The following FRMD6 variants were observed in gnomAD, a reference collection of about 807,000 sequenced individuals.
The protein encoded by FRMD6 is FERM domain-containing protein 6.
Under a neutral mutation model 73.2 loss-of-function variants are expected in FRMD6, and 37 were observed. That is an observed-to-expected ratio of 0.51 (90% CI 0.39 to 0.66). The LOEUF is 0.66. Ranked by LOEUF, FRMD6 falls within the 30% of genes least tolerant of loss-of-function variation. The pLI is 0.00. For missense variants in FRMD6, 714 were observed against 780.5 expected (o/e 0.91, Z 1.02); for synonymous variants, 273 against 282.2 (o/e 0.97, Z 0.33).
chr14:51,496,105 G>A (rs758563419), intron 1 of FRMD6, among the ~76,000 whole-genome samples: 7 of 152,118 alleles, frequency 4.6e-5, no homozygotes, highest in Non-Finnish European at 7.4e-5. Flanking sequence ...CACACTCTTG[G>A]ATCACTCACT....
In FRMD6 at chr14:51,551,571, CAA is replaced by C. The variant is rs553000479; in HGVS notation, c.-209-18772_-209-18771del. 6.6e-5 allele frequency among the ~76,000 whole-genome samples: 10 copies of C among 152,036 alleles called. No homozygotes were observed. In the South Asian group the frequency reaches 2.1e-3, roughly 32 times the overall value. ...GCAACACAGTGAAACCCTGTCTTTA[CAA>C]AAAATACGAAAAATTTATCCAGGCC... is the stretch of plus-strand genomic sequence containing the variant. On this transcript the variant is annotated intron_variant, in intron 1 of 14. Coordinates refer to the FRMD6 transcript ENST00000356218.
chr14:51,481,307 C>T, the FRMD6 span, among the ~76,000 whole-genome samples: 1 of 152,102 alleles, frequency 6.6e-6, no homozygotes, highest in Admixed American at 6.5e-5. Flanking sequence ...GGAGGCCTCA[C>T]AATCATGGCA....
At chr14:51,549,696 C>T (rs528352183) in intron 1 of FRMD6, among the ~76,000 whole-genome samples, 109 of 142,902 alleles carry the variant, frequency 7.6e-4, no homozygotes, top group African/African-American at 2.7e-3. Flanking sequence ...CCCAGGTTCA[C>T]GCCATTCTCC....
chr14:51,416,846 G>T, the FRMD6 span, among the ~76,000 whole-genome samples: 3 of 152,258 alleles, frequency 2.0e-5, no homozygotes, highest in Middle Eastern at 3.4e-3. Context: ...CCTGTATTGG[G>T]TGCATATATA....
intron 1 of FRMD6, among the ~76,000 whole-genome samples, chr14:51,661,732 A>G (rs1167053713): frequency 3.9e-5 from 6 of 152,232 alleles, no homozygotes. Context: ...GTCATTGGTG[A>G]TGATGACAAG....
chr14:51,653,928 T>A (rs1002877163), intron 1 of FRMD6, among the ~76,000 whole-genome samples: 1 of 152,200 alleles, frequency 6.6e-6, no homozygotes, highest in African/African-American at 2.4e-5. Context: ...GCAGGACATC[T>A]TCTCCAGAAA....
chr14:51,397,289 T>A, the FRMD6 span, among the ~76,000 whole-genome samples: 3 of 151,930 alleles, frequency 2.0e-5, no homozygotes, highest in Non-Finnish European at 4.4e-5. Flanking sequence ...CTGGAGGGAG[T>A]GCTCCTTCAC....
chr14:51,689,877 A>G lies in FRMD6; in HGVS notation c.41A>G (p.Asp14Gly). ...LNFHNNRVMQ[D>G]RRSVCIFLPN... ...TTTCATAACAACAGAGTCATGCAAG[A>G]CCGCCGCAGTGTGTGCATTTTCCTT... The change falls in exon 2 of 14, where the codon GAC becomes GGC. Residue 14 changes from aspartate to glycine, a missense_variant. Asp to Gly is a moderately conservative substitution (Grantham distance 94, BLOSUM62 -1). Transcript: ENST00000344768. The G allele has an allele frequency of 6.2e-7, 1 of 1,613,610 alleles. No individual in the cohort carries two copies. Among genetic ancestry groups the G allele is most frequent in the South Asian group, 1.1e-5 (1 of 91,050 alleles).
At chr14:51,572,643 A>T (rs1180647883) in intron 2 of FRMD6, among the ~76,000 whole-genome samples, 1 of 152,214 alleles carries the variant, frequency 6.6e-6, no homozygotes. Flanking sequence ...AATGAGAGAC[A>T]TCTGGAATCT....
chr14:51,416,413 C>G, the FRMD6 span, among the ~76,000 whole-genome samples: 1 of 152,140 alleles, frequency 6.6e-6, no homozygotes, highest in Non-Finnish European at 1.5e-5. Context: ...GTTATTTACC[C>G]AGTAGTCATT....
chr14:51,713,614 A>G (rs1897075629), intron 9 of FRMD6: 1 of 152,242 alleles, frequency 6.6e-6, no homozygotes, highest in African/African-American at 2.4e-5. Context: ...GCTGGGATAT[A>G]TAGCTCCATG....
the FRMD6 span, among the ~76,000 whole-genome samples, chr14:51,425,069 C>T: frequency 0.084 from 12,743 of 152,178 alleles, 554 homozygotes; most frequent in African/African-American, 0.1. Flanking sequence ...CACTTCAGCT[C>T]GGGCAGCATT....
chr14:51,709,053 T>C (rs1896795219), intron 7 of FRMD6, among the ~76,000 whole-genome samples: 2 of 152,110 alleles, frequency 1.3e-5, no homozygotes, highest in Admixed American at 1.3e-4. Context: ...CTTCCCCTCC[T>C]CCTCCTAACC....
At chr14:51,471,495 C>T in the FRMD6 span, among the ~76,000 whole-genome samples, 15 of 141,734 alleles carry the variant, frequency 1.1e-4, no homozygotes, top group African/African-American at 3.2e-4. Context: ...AGCCAGACTC[C>T]GTCTCGAAAA....
At chr14:51,410,214 A>G in the FRMD6 span, among the ~76,000 whole-genome samples, 1 of 152,268 alleles carries the variant, frequency 6.6e-6, no homozygotes, top group Non-Finnish European at 1.5e-5. Context: ...TAAAGAATCT[A>G]GCATTTGCTG....
the FRMD6 span, among the ~76,000 whole-genome samples, chr14:51,437,435 T>C: frequency 3.8e-3 from 585 of 152,294 alleles, 2 homozygotes; most frequent in East Asian, 8.9e-3. Context: ...CCCGAGTAGC[T>C]GGGACTACAG....
chr14:51,716,752 C>G (rs1897263290), intron 10 of FRMD6, among the ~76,000 whole-genome samples: 1 of 152,228 alleles, frequency 6.6e-6, no homozygotes, highest in African/African-American at 2.4e-5. Flanking sequence ...TAGACTGCCA[C>G]TTCTTCCCCA....
chr14:51,686,451 A>C (rs1192897626), intron 1 of FRMD6, among the ~76,000 whole-genome samples: 1 of 152,188 alleles, frequency 6.6e-6, no homozygotes, highest in African/African-American at 2.4e-5. Context: ...AAGAAATGGA[A>C]TAATTTTGTA....
the FRMD6 span, among the ~76,000 whole-genome samples, chr14:51,437,187 C>T: frequency 6.6e-6 from 1 of 152,170 alleles, no homozygotes; most frequent in Non-Finnish European, 1.5e-5. Flanking sequence ...GCCCTGTTTC[C>T]ATGTGTTCTC....
Sources: gnomAD v4.1 joint callset for allele counts (sites outside exome capture counted in the v4.1 genomes callset) on GRCh38, gnomAD v4.1.1 for gene constraint, MANE v1.5 for transcripts, NCBI Gene and HGNC (gene_info 2026-07-23, HGNC 2026-07-21) for gene names.